ZNF536: variants seen among roughly 807,000 people sequenced by gnomAD.
ZNF536 encodes zinc finger protein 536.
ZNF536 carries 13 observed loss-of-function variants against 84.5 expected under a neutral mutation model. The ratio of observed to expected loss-of-function variants is 0.15; its 90% CI spans 0.10 to 0.24. The LOEUF (loss-of-function observed/expected upper bound fraction) is 0.24, where lower values mean the gene tolerates loss of function less well. Among genes scored for constraint, ZNF536 ranks in the 10% least tolerant of loss-of-function variants. ZNF536 has a pLI of 1.00. For synonymous variants in ZNF536, 811 were observed against 742.5 expected, an observed-to-expected ratio of 1.09 and a Z score of -1.50; for missense variants, 1,536 against 1,747.5, an observed-to-expected ratio of 0.88 and a Z score of 2.16.
chr19:30,235,262 C>T (rs763468245), intron 1 of ZNF536, among the ~76,000 whole-genome samples: 4 of 152,136 alleles, frequency 2.6e-5, no homozygotes, highest in East Asian at 1.9e-4. Flanking sequence ...GTGGCATGGC[C>T]GAGCGGGCAT....
intron 1 of ZNF536, among the ~76,000 whole-genome samples, chr19:30,650,502 C>T (rs756825940): frequency 1.5e-4 from 23 of 152,208 alleles, no homozygotes; most frequent in Non-Finnish European, 2.4e-4. Flanking sequence ...TTTGCTTTTT[C>T]TTTTACCTAT....
chr19:30,409,198 G>A (rs2050385756), intron 1 of ZNF536, among the ~76,000 whole-genome samples: 1 of 152,152 alleles, frequency 6.6e-6, no homozygotes, highest in South Asian at 2.1e-4. Context: ...ATGTAGAATG[G>A]TGTCTGGCAT....
At chr19:30,572,072 T>C (rs530883983) in intron 1 of ZNF536, among the ~76,000 whole-genome samples, 52 of 152,230 alleles carry the variant, frequency 3.4e-4, no homozygotes, top group African/African-American at 1.3e-3. Context: ...CTTGGAAACA[T>C]GGGTAAGAGG....
intron 2 of ZNF536, among the ~76,000 whole-genome samples, chr19:30,299,216 T>A (rs2046101715): frequency 6.6e-6 from 1 of 152,244 alleles, no homozygotes. Flanking sequence ...ATCACTTTTG[T>A]GATTGGCAAC....
At chr19:30,370,861 A>T (rs1386696733), upstream of ZNF536, among the ~76,000 whole-genome samples, 1 of 152,254 alleles carries the variant, frequency 6.6e-6, no homozygotes, top group African/African-American at 2.4e-5. Flanking sequence ...ATTAGTTTGC[A>T]AAAACGTAAT....
At position 30,323,402 on chromosome 19, in the gene ZNF536, T is replaced by C. The variant is rs576006687; in HGVS notation, c.-119-28966T>C. ...TTTGCTCCTGGGTCTTTCTTGAATT[T>C]TTAATTCACCCACAATCAATAATTT... On this transcript the variant is annotated intron_variant, in intron 2 of 5. Coordinates refer to the ZNF536 transcript ENST00000585628. Among the ~76,000 whole-genome samples the C allele has an allele frequency of 1.4e-4, 21 of 152,354 alleles. No homozygotes were observed. The South Asian group carries it at 4.4e-3, about 32-fold the overall frequency.
At chr19:30,649,115 A>T (rs931598822) in intron 1 of ZNF536, among the ~76,000 whole-genome samples, 40 of 152,192 alleles carry the variant, frequency 2.6e-4, no homozygotes, top group Admixed American at 2.2e-3. Flanking sequence ...GCTGCCCCAG[A>T]CAGGGAGGAC....
intron 1 of ZNF536, among the ~76,000 whole-genome samples, chr19:30,583,666 C>G (rs576097511): frequency 3.9e-5 from 6 of 152,270 alleles, no homozygotes; most frequent in South Asian, 2.1e-4. Context: ...TACATGGACC[C>G]TTGAAGGGGC....
At chr19:30,232,318 T>C (rs950354657) in intron 1 of ZNF536, among the ~76,000 whole-genome samples, 4 of 152,206 alleles carry the variant, frequency 2.6e-5, no homozygotes, top group Non-Finnish European at 2.9e-5. Flanking sequence ...AGGGGGTACA[T>C]GTGCAGGGTT....
chr19:30,685,367 C>T (rs191015360), intron 1 of ZNF536, among the ~76,000 whole-genome samples: 4 of 152,228 alleles, frequency 2.6e-5, no homozygotes, highest in South Asian at 4.2e-4. Flanking sequence ...GCTCTTACAG[C>T]GGGAGTGTTT....
intron 1 of ZNF536, among the ~76,000 whole-genome samples, chr19:30,593,912 TGAG>T: frequency 6.6e-6 from 1 of 152,204 alleles, no homozygotes. Flanking sequence ...TTGTAGACAC[TGAG>T]AAGAAGAGGA....
At chr19:30,536,848 T>C (rs2045103359) in intron 3 of ZNF536, among the ~76,000 whole-genome samples, 1 of 152,172 alleles carries the variant, frequency 6.6e-6, no homozygotes, top group African/African-American at 2.4e-5. Flanking sequence ...CTCAGGGTCT[T>C]TGCCCTTTGA....
chr19:30,365,680 A>G (rs2146945187), intron 3 of ZNF536, among the ~76,000 whole-genome samples: 1 of 152,238 alleles, frequency 6.6e-6, no homozygotes, highest in South Asian at 2.1e-4. Context: ...TTCTGCGGGG[A>G]ATGAGAGGAC....
In ZNF536 at chr19:30,395,434, G is replaced by A. The variant is rs568802077; in HGVS notation, c.-3+22878G>A. Reference sequence around the variant, plus strand: ...GCCCTGCTGGTGGATGTAGAATGCTGGTCTGAATGTGTCAGAGTGATTGGT... The same window carrying A: ...GCCCTGCTGGTGGATGTAGAATGCTAGTCTGAATGTGTCAGAGTGATTGGT... On this transcript the variant is annotated intron_variant, in intron 1 of 4. Transcript: ENST00000355537. Among the ~76,000 whole-genome samples the A allele has an allele frequency of 2.1e-4, 32 of 152,274 alleles. 1 individual carries two copies. In the South Asian group the frequency reaches 4.8e-3, roughly 23 times the overall value.
chr19:30,568,436 G>A (rs1373470819), intron 1 of ZNF536, among the ~76,000 whole-genome samples: 1 of 152,170 alleles, frequency 6.6e-6, no homozygotes, highest in Non-Finnish European at 1.5e-5. Flanking sequence ...TTGAATTGAT[G>A]GGAGCAAAGA....
At chr19:30,706,497 A>G (rs2052234640) in intron 1 of ZNF536, among the ~76,000 whole-genome samples, 2 of 152,022 alleles carry the variant, frequency 1.3e-5, no homozygotes, top group African/African-American at 4.8e-5. Context: ...AAAAAAAAAA[A>G]AAAGAAAGAA....
intron 2 of ZNF536, among the ~76,000 whole-genome samples, chr19:30,296,505 T>C (rs1009860591): frequency 6.6e-6 from 1 of 152,118 alleles, no homozygotes; most frequent in Non-Finnish European, 1.5e-5. Flanking sequence ...CTCTTGACAG[T>C]GCAGAGGGGT....
At chr19:30,643,385 C>T (rs1324113851) in intron 1 of ZNF536, among the ~76,000 whole-genome samples, 2 of 152,172 alleles carry the variant, frequency 1.3e-5, no homozygotes, top group Non-Finnish European at 2.9e-5. Context: ...CATGATGTCA[C>T]GTCCCTGCTG....
intron 2 of ZNF536, among the ~76,000 whole-genome samples, chr19:30,480,437 C>T (rs933404526): frequency 6.6e-6 from 1 of 152,062 alleles, no homozygotes; most frequent in Non-Finnish European, 1.5e-5. Context: ...TCTCAGCAAA[C>T]TAATACAGGA....
Sources: allele counts gnomAD v4.1 joint callset (sites outside exome capture counted in the v4.1 genomes callset), GRCh38; gene constraint gnomAD v4.1.1; transcripts MANE v1.5; gene names NCBI Gene and HGNC (gene_info 2026-07-23, HGNC 2026-07-21).